The following PIP5KL1 variants were observed in gnomAD, a reference collection of about 807,000 sequenced individuals.
PIP5KL1 encodes phosphatidylinositol-4-phosphate 5-kinase like 1.
A neutral mutation model predicts 47.6 loss-of-function variants in PIP5KL1; 45 were observed. That is an observed-to-expected ratio of 0.94 (90% CI 0.74 to 1.21). PIP5KL1 has a LOEUF of 1.21. Among genes scored for constraint, PIP5KL1 ranks in the 50% most tolerant of loss-of-function variants. PIP5KL1 has a pLI of 0.00. For missense variants in PIP5KL1, 577 were observed against 547.6 expected, an observed-to-expected ratio of 1.05 and a Z score of -0.54; for synonymous variants, 256 against 234.6, an observed-to-expected ratio of 1.09 and a Z score of -0.84.
At chr9:127,922,891 C>T (rs772259825) in intron 9 of PIP5KL1, among the ~76,000 whole-genome samples, 5 of 152,092 alleles carry the variant, frequency 3.3e-5, no homozygotes, top group Non-Finnish European at 7.4e-5. Context: ...TTTTAAATTA[C>T]ATGTATGGCT....
At position 127,927,393 on chromosome 9, in the gene PIP5KL1, C is replaced by G. The variant is rs1203122185; in HGVS notation, c.560-62G>C. 5 of 1,547,648 alleles carry G rather than the reference C, an allele frequency of 3.2e-6. No homozygotes were observed. The highest frequency in any genetic ancestry group is 4.3e-6 in the Non-Finnish European group (5 of 1,150,870). On this transcript the variant is annotated intron_variant, in intron 5 of 9. Coordinates refer to ENST00000388747, the MANE Select transcript of PIP5KL1 (RefSeq NM_001135219.2). The surrounding 1 kb of genome is among the most constrained non-coding windows in gnomAD (Gnocchi z 5.5). ...ACTCCACAACCCGGGGTGCATCCGG[C>G]GCCAATCCCAGCGCCAGGCCACGCC...
In PIP5KL1 at chr9:127,927,175, G is replaced by C; in HGVS notation, c.628C>G (p.Pro210Ala). The change falls in exon 7 of 10, where the codon CCC (proline) becomes GCC (alanine). Residue 210 changes from proline to alanine, a missense_variant. Pro to Ala is a conservative substitution (Grantham distance 27). Coordinates refer to ENST00000388747, the MANE Select transcript of PIP5KL1 (RefSeq NM_001135219.2). The surrounding 1 kb of genome is among the most constrained non-coding windows in gnomAD (Gnocchi z 5.5). ...CACCTCTCGGAGATGCGGCCGGCGGGGTAGAAGACGCTCTGCATGACGATG... is the reference window on the plus strand; with the variant it reads ...CACCTCTCGGAGATGCGGCCGGCGGCGTAGAAGACGCTCTGCATGACGATG... ...YFIVMQSVFYPAGRISERYDI... is the reference protein window; with the variant it reads ...YFIVMQSVFYAAGRISERYDI... 6.2e-7 allele frequency: 1 copy of C among 1,612,358 alleles called. No homozygotes were observed. Among genetic ancestry groups the C allele is most frequent in the Non-Finnish European group, 8.5e-7 (1 of 1,179,080 alleles).
Position 127,929,842 on chromosome 9 carries a change from G to T in PIP5KL1, c.74C>A (p.Ser25Tyr). 6.5e-7 allele frequency: 1 copy of T among 1,546,584 alleles called. No individual in the cohort carries two copies. The stretch of plus-strand genomic sequence containing the variant: ...GCGCCAGAGAAGCCCCCGCCGGCTG[G>T]AGGTGACTGCTCTGCATCCAGCCTC... Reference protein sequence around the residue: ...SPEAGCRAVTSSRRGLLWRLR... With the variant: ...SPEAGCRAVTYSRRGLLWRLR... Residue 25 changes from serine to tyrosine, a missense_variant, in exon 2 of 10, where the codon TCC (serine) becomes TAC (tyrosine). Coordinates refer to ENST00000388747, the MANE Select transcript of PIP5KL1 (RefSeq NM_001135219.2). This position sits in a 1 kb window ranked among gnomAD's most constrained non-coding sequence, Gnocchi z 4.0.
At chr9:127,926,187 C>T (rs1265386831) in intron 7 of PIP5KL1, among the ~76,000 whole-genome samples, 1 of 150,102 alleles carries the variant, frequency 6.7e-6, no homozygotes, top group Admixed American at 6.6e-5. Context: ...TCTCTCTCTT[C>T]TCTCTTTCTT....
Position 127,927,753 on chromosome 9 carries a change from G to A in PIP5KL1, c.454C>T (p.Leu152=). The A allele has an allele frequency of 6.4e-7, 1 of 1,561,504 alleles. No homozygotes were observed. Among genetic ancestry groups the A allele is most frequent in the African/African-American group, 1.4e-5 (1 of 73,710 alleles). Reference sequence around the variant, plus strand: ...ACCTCTCGGCGCCCCTGGGTCTTCAGGAAGAAGCGCTGGTCGTGGCTGGGG... The same window carrying A: ...ACCTCTCGGCGCCCCTGGGTCTTCAAGAAGAAGCGCTGGTCGTGGCTGGGG... The part of the protein sequence containing the change: ...FFLSHDQRFF[L]KTQGRREVQA... The change falls in exon 5 of 10, where the codon CTG becomes TTG. Residue 152 remains leucine, a synonymous_variant. Coordinates refer to ENST00000388747, the MANE Select transcript of PIP5KL1 (RefSeq NM_001135219.2). The surrounding 1 kb of genome is among the most constrained non-coding windows in gnomAD (Gnocchi z 5.5).
Position 127,921,964 on chromosome 9 carries a change from G to T in PIP5KL1, c.1068C>A (p.Arg356=). ...VVDLATVYGL[R]KRLEHLWKTL... is the part of the protein sequence containing the mutation. The stretch of plus-strand genomic sequence containing the variant: ...TCTTCCACAGGTGCTCCAGCCGCTT[G>T]CGGAGCCCGTAGACTGTGGCGAGAT... The change falls in exon 10 of 10, where the codon CGC becomes CGA. Residue 356 remains arginine (R), a synonymous_variant. Transcript: ENST00000388747. 1.9e-6 allele frequency: 3 copies of T among 1,576,724 alleles called. No homozygotes were observed. Among genetic ancestry groups the T allele is most frequent in the Middle Eastern group, 3.3e-4 (2 of 5,972 alleles).
Position 127,925,922 on chromosome 9 carries a change from G to T in PIP5KL1, c.708C>A (p.Ser236Arg). The T allele has an allele frequency of 6.2e-7, 1 of 1,614,076 alleles. No homozygotes were observed. Among genetic ancestry groups the T allele is most frequent in the Non-Finnish European group, 8.5e-7 (1 of 1,180,006 alleles). Residue 236 changes from serine to arginine, a missense_variant, in exon 8 of 10, where the codon AGC (serine) becomes AGA (arginine). Coordinates refer to ENST00000388747, the MANE Select transcript of PIP5KL1 (RefSeq NM_001135219.2). ...GGTCCTTCAGCACCAGAACAAGGGG[G>T]CTGCCCTCAGGGGCGGGATCCACCC... The part of the protein sequence containing the change: ...SRWVDPAPEG[S>R]PLVLVLKDLN...
At chr9:127,925,307 C>T in intron 8 of PIP5KL1, 47 bp from the exon 9 acceptor site, 1 of 1,593,544 alleles carries the variant, frequency 6.3e-7, no homozygotes, top group Non-Finnish European at 8.5e-7. Flanking sequence ...CATGTGCCAG[C>T]CACGGTGCTC....
chr9:127,924,347 G>A (rs777858283), intron 9 of PIP5KL1, among the ~76,000 whole-genome samples: 3 of 152,120 alleles, frequency 2.0e-5, no homozygotes, highest in South Asian at 2.1e-4. Flanking sequence ...AAAATTAGCC[G>A]GGCATGCTGG....
chr9:127,926,965 G>C (rs532250820), intron 7 of PIP5KL1, among the ~76,000 whole-genome samples, 188 bp downstream of exon 7: 1 of 152,194 alleles, frequency 6.6e-6, no homozygotes, highest in Admixed American at 6.5e-5. Context: ...GGCCCAACAC[G>C]GCGCCTAACG....
intron 9 of PIP5KL1, among the ~76,000 whole-genome samples, chr9:127,923,246 G>A (rs1831316122): frequency 6.6e-6 from 1 of 152,214 alleles, no homozygotes; most frequent in Non-Finnish European, 1.5e-5. Context: ...CTGGGTCTCG[G>A]GGTAAATAGA....
chr9:127,928,632 G>T, intron 2 of PIP5KL1, 149 bp from the exon 3 acceptor site: 1 of 832,598 alleles, frequency 1.2e-6, no homozygotes, highest in Non-Finnish European at 1.8e-6. Context: ...GAGAGTGCCT[G>T]AGTTGGGCAG....
In PIP5KL1 at chr9:127,928,483, C is replaced by T; in HGVS notation, c.229G>A (p.Gly77Arg). The change falls in exon 3 of 10, where the codon GGG (glycine) becomes AGG (arginine). Residue 77 changes from glycine to arginine, a missense_variant and splice_region_variant. Physicochemically the swap from Gly to Arg is moderately radical, Grantham distance 125 (BLOSUM62 -2). Coordinates refer to ENST00000388747, the MANE Select transcript of PIP5KL1 (RefSeq NM_001135219.2). ...GAGAAATCGTCCCGGGAGGGCGGCC[C>T]CTGCAGGGAGAGGTAGAGGAGCTCA... ...TQVSMDHPPT[G>R]PPSRDDFSEV... is the part of the protein sequence containing the mutation. 6.3e-7 allele frequency: 1 copy of T among 1,592,032 alleles called. No homozygotes were observed. The highest frequency in any genetic ancestry group is 8.5e-7 in the Non-Finnish European group (1 of 1,171,036).
At position 127,927,475 on chromosome 9, in the gene PIP5KL1, C is replaced by A. The variant is rs1211347379; in HGVS notation, c.560-144G>T. On this transcript the variant is annotated intron_variant, in intron 5 of 9. Coordinates refer to ENST00000388747, the MANE Select transcript of PIP5KL1 (RefSeq NM_001135219.2). This position sits in a 1 kb window ranked among gnomAD's most constrained non-coding sequence, Gnocchi z 5.5. ...TCCTTGGCTGGTCCGGATCCCGACC[C>A]GATCCCACCCCTAAACACAGCCCCA... The A allele has an allele frequency of 5.4e-6, 8 of 1,469,352 alleles. No homozygotes were observed. The highest frequency in any genetic ancestry group is 6.3e-6 in the Non-Finnish European group (7 of 1,111,168). 91.0% of individuals were successfully genotyped at this position (1,469,352 alleles called of 1,614,324 possible).
In PIP5KL1 at chr9:127,921,705, G is replaced by C. The variant is rs900419768; in HGVS notation, c.*142C>G. On this transcript the variant is annotated 3_prime_UTR_variant, in exon 10 of 10. Transcript: ENST00000388747. Reference sequence around the variant, plus strand: ...CACGGCACCACCGTCAAACGGGACTGCGCGGTTACGGTATTAGTTAGGGGA... The same window carrying C: ...CACGGCACCACCGTCAAACGGGACTCCGCGGTTACGGTATTAGTTAGGGGA... 4 of 1,182,112 alleles carry C rather than the reference G, an allele frequency of 3.4e-6. No homozygotes were observed. In the African/African-American group the frequency reaches 6.2e-5, roughly 18 times the overall value. The allele number at this position is 1,182,112 out of a possible 1,614,324, so 73.2% of individuals were successfully genotyped here. A position where few individuals can be genotyped will look rare whatever the true frequency, so the allele number is the denominator to read the frequency against.
chr9:127,929,640 T>G lies in PIP5KL1; in HGVS notation c.228+48A>C. On this transcript the variant is annotated intron_variant, in intron 2 of 9. Coordinates refer to ENST00000388747, the MANE Select transcript of PIP5KL1 (RefSeq NM_001135219.2). This position sits in a 1 kb window ranked among gnomAD's most constrained non-coding sequence, Gnocchi z 4.0. ...TCAGCCAGACAGGGCATCAGCCAAG[T>G]CTTGCCATTGCTGGTGTGGAGATTC... 6.8e-7 allele frequency: 1 copy of G among 1,478,698 alleles called. No individual in the cohort carries two copies. Among genetic ancestry groups the G allele is most frequent in the Non-Finnish European group, 9.1e-7 (1 of 1,099,230 alleles). The allele number at this position is 1,478,698 out of a possible 1,614,324, so 91.6% of individuals were successfully genotyped here. A position where few individuals can be genotyped will look rare whatever the true frequency, so the allele number is the denominator to read the frequency against.
Position 127,929,823 on chromosome 9 carries a change from G to A in PIP5KL1, c.93C>T (p.Leu31=), listed in dbSNP as rs1158823922. The part of the protein sequence containing the change: ...RAVTSSRRGL[L]WRLRDKQSRL... ...GAGACTGCTTGTCTCGGAGGCGCCA[G>A]AGAAGCCCCCGCCGGCTGGAGGTGA... The change falls in exon 2 of 10, where the codon CTC becomes CTT. Residue 31 remains leucine (L), a synonymous_variant. Coordinates refer to ENST00000388747, the MANE Select transcript of PIP5KL1 (RefSeq NM_001135219.2). The surrounding 1 kb of genome is among the most constrained non-coding windows in gnomAD (Gnocchi z 4.0). The A allele has an allele frequency of 1.3e-6, 2 of 1,549,370 alleles. No homozygotes were observed. Among genetic ancestry groups the A allele is most frequent in the South Asian group, 2.4e-5 (2 of 84,054 alleles).
chr9:127,926,480 CTCCTGGGCTCAAGTAA>C (rs951859223), intron 7 of PIP5KL1, among the ~76,000 whole-genome samples: 1 of 152,238 alleles, frequency 6.6e-6, no homozygotes, highest in Non-Finnish European at 1.5e-5. Context: ...TGGTCTCCAA[CTCCTGGGCTCAAGTAA>C]TCCTCCTGCC....
chr9:127,924,973 C>T, intron 9 of PIP5KL1, 134 bp downstream of exon 9: 1 of 1,245,404 alleles, frequency 8.0e-7, no homozygotes, highest in Non-Finnish European at 1.1e-6. Flanking sequence ...CACGCACACA[C>T]ACACACAAAC....
Sources: gnomAD v4.1 joint callset for allele counts (sites outside exome capture counted in the v4.1 genomes callset) on GRCh38, gnomAD v4.1.1 for gene constraint, Gnocchi (gnomAD v3.1) non-coding constraint, MANE v1.5 for transcripts, NCBI Gene and HGNC (gene_info 2026-07-23, HGNC 2026-07-21) for gene names.